SPMIP7: variants seen among roughly 807,000 people sequenced by gnomAD.
SPMIP7 encodes protein SPMIP7.
At chr7:50,103,065 T>A in the SPMIP7 span, among the ~76,000 whole-genome samples, 1 of 135,730 alleles carries the variant, frequency 7.4e-6, no homozygotes, top group African/African-American at 2.7e-5. Flanking sequence ...TATATATATA[T>A]AATATATATA....
chr7:50,099,544 A>G, the SPMIP7 span, among the ~76,000 whole-genome samples: 1 of 152,188 alleles, frequency 6.6e-6, no homozygotes, highest in African/African-American at 2.4e-5. Context: ...CTTGTAAAGA[A>G]GAAGACCTTC....
the SPMIP7 span, chr7:50,129,720 GA>G: frequency 6.5e-7 from 1 of 1,544,750 alleles, no homozygotes; most frequent in South Asian, 1.2e-5. Flanking sequence ...CTTCTAGGAT[GA>G]AGGTGAACCA....
chr7:50,122,173 A>C, the SPMIP7 span, among the ~76,000 whole-genome samples: 1 of 152,330 alleles, frequency 6.6e-6, no homozygotes, highest in African/African-American at 2.4e-5. Context: ...AAAGTATAAC[A>C]TTGTCCTCTG....
chr7:50,137,071 C>T, the SPMIP7 span, among the ~76,000 whole-genome samples: 1 of 151,968 alleles, frequency 6.6e-6, no homozygotes, highest in Non-Finnish European at 1.5e-5. Flanking sequence ...TTTTTTAAAA[C>T]ACATGTGTTA....
the SPMIP7 span, among the ~76,000 whole-genome samples, chr7:50,148,103 G>A: frequency 2.0e-5 from 3 of 152,130 alleles, no homozygotes; most frequent in South Asian, 2.1e-4. Context: ...ATATAAGGTC[G>A]CTGTGTTGCA....
chr7:50,119,458 A>G, the SPMIP7 span, among the ~76,000 whole-genome samples: 1 of 152,156 alleles, frequency 6.6e-6, no homozygotes, highest in Non-Finnish European at 1.5e-5. Context: ...AGGAAAAGCC[A>G]TGGACTGTAA....
chr7:50,096,506 C>T, the SPMIP7 span: 23 of 1,551,604 alleles, frequency 1.5e-5, no homozygotes, highest in East Asian at 9.8e-5. Context: ...ACCTCAACAT[C>T]GAGTTCCCAG....
chr7:50,131,041 G>A, the SPMIP7 span, among the ~76,000 whole-genome samples: 2 of 152,148 alleles, frequency 1.3e-5, no homozygotes, highest in Non-Finnish European at 2.9e-5. Context: ...GGAAAGATCA[G>A]ACTTATACAA....
At chr7:50,104,905 C>T in the SPMIP7 span, among the ~76,000 whole-genome samples, 1 of 152,174 alleles carries the variant, frequency 6.6e-6, no homozygotes, top group Non-Finnish European at 1.5e-5. Flanking sequence ...TGAGAGCATT[C>T]CCACAATATA....
At chr7:50,120,029 G>T in the SPMIP7 span, among the ~76,000 whole-genome samples, 156 of 152,272 alleles carry the variant, frequency 1.0e-3, 1 homozygote, top group African/African-American at 3.7e-3. Context: ...TCCAGCTCCT[G>T]GGGGCCTGCA....
chr7:50,104,729 C>CT, the SPMIP7 span, among the ~76,000 whole-genome samples: 1 of 152,150 alleles, frequency 6.6e-6, no homozygotes, highest in Admixed American at 6.5e-5. Flanking sequence ...CACTGAAAGG[C>CT]TAACAGCCAC....
chr7:50,119,821 T>C, the SPMIP7 span, among the ~76,000 whole-genome samples: 2 of 152,182 alleles, frequency 1.3e-5, no homozygotes, highest in Non-Finnish European at 2.9e-5. Context: ...GTACAAGTAA[T>C]TGCTTGTATG....
the SPMIP7 span, among the ~76,000 whole-genome samples, chr7:50,128,800 A>G: frequency 6.6e-6 from 1 of 152,134 alleles, no homozygotes; most frequent in African/African-American, 2.4e-5. Flanking sequence ...ATAGAGAACT[A>G]TTTGATGAAA....
the SPMIP7 span, among the ~76,000 whole-genome samples, chr7:50,118,851 A>G: frequency 1.2e-4 from 18 of 152,318 alleles, no homozygotes; most frequent in Middle Eastern, 3.4e-3. Context: ...TTTAATGGTA[A>G]TCAAATCCAC....
chr7:50,104,415 A>C, the SPMIP7 span: 1 of 1,444,474 alleles, frequency 6.9e-7, no homozygotes, highest in African/African-American at 1.4e-5. Flanking sequence ...ATGTACAGTA[A>C]GATTTTCTTC....
At chr7:50,157,131 G>A in the SPMIP7 span, among the ~76,000 whole-genome samples, 3 of 152,190 alleles carry the variant, frequency 2.0e-5, no homozygotes, top group Non-Finnish European at 4.4e-5. Flanking sequence ...CGAGAAAACT[G>A]CACTGGTGGT....
the SPMIP7 span, among the ~76,000 whole-genome samples, chr7:50,112,347 G>A: frequency 6.6e-6 from 1 of 152,074 alleles, no homozygotes; most frequent in Non-Finnish European, 1.5e-5. Flanking sequence ...CTGGACCTTG[G>A]CATGGTCAGA....
At chr7:50,141,481 C>A in the SPMIP7 span, 3 of 805,846 alleles carry the variant, frequency 3.7e-6, no homozygotes, top group South Asian at 1.6e-5. Flanking sequence ...TTAAACGTGG[C>A]TTTTATTGAA....
the SPMIP7 span, chr7:50,140,129 CTT>C: frequency 2.7e-6 from 4 of 1,489,250 alleles, no homozygotes; most frequent in Admixed American, 1.0e-4. Flanking sequence ...CCTCTCTTCT[CTT>C]TTTTGAAGTG....
Sources: gnomAD v4.1 joint callset for allele counts (sites outside exome capture counted in the v4.1 genomes callset) on GRCh38, gnomAD v4.1.1 for gene constraint, MANE v1.5 for transcripts, NCBI Gene and HGNC (gene_info 2026-07-23, HGNC 2026-07-21) for gene names.